Variants in LTN1 observed in about 807,000 individuals in gnomAD.
The protein encoded by LTN1 is E3 ubiquitin-protein ligase listerin.
LTN1 carries 88 observed loss-of-function variants against 201.2 expected under a neutral mutation model. That is an observed-to-expected ratio of 0.44 (90% CI 0.37 to 0.52). The LOEUF is 0.52. Among genes scored for constraint, LTN1 ranks in the 20% least tolerant of loss-of-function variants. The pLI is 0.00. For missense variants in LTN1, 1,752 were observed against 2,038.7 expected (o/e 0.86, Z 2.71); for synonymous variants, 645 against 713.5 (o/e 0.90, Z 1.53).
At position 28,956,888 on chromosome 21, in the gene LTN1, C is replaced by G. The variant is rs369347786; in HGVS notation, c.2953G>C (p.Asp985His). 99 of 1,611,348 alleles carry G rather than the reference C, an allele frequency of 6.1e-5. No individual in the cohort carries two copies. Among genetic ancestry groups the G allele is most frequent in the Non-Finnish European group, 7.5e-5 (88 of 1,178,604 alleles). The change falls in exon 16 of 30, where the codon GAT becomes CAT. Residue 985 changes from aspartate to histidine, a missense_variant. This residue lies in a region of LTN1 where 1,211 missense variants were observed against 1,312.8 expected (regional missense o/e 0.92). Coordinates refer to ENST00000361371, the MANE Select transcript of LTN1 (RefSeq NM_015565.3). ...GTCTTTATGTCCTGTTCCTTAAAAT[C>G]TGTTTTGAAACATTCATAATTCAAA... Reference protein sequence around the residue: ...LSLNYECFKTDFKEQDIKTLP... With the variant: ...LSLNYECFKTHFKEQDIKTLP...
chr21:28,992,736 C>A, intron 1 of LTN1, 28 bp downstream of exon 1: 1 of 1,613,244 alleles, frequency 6.2e-7, no homozygotes, highest in South Asian at 1.1e-5. Flanking sequence ...GCGAGGCTCC[C>A]GGGTCGGCCG....
intron 23 of LTN1, 42 bp from the exon 24 acceptor site, chr21:28,943,378 T>A (rs1217235072): frequency 8.2e-7 from 1 of 1,215,452 alleles, no homozygotes; most frequent in East Asian, 2.3e-5. Flanking sequence ...GATATTAAAC[T>A]GTTTATTAAG....
chr21:28,975,850 C>A (rs182497066), intron 6 of LTN1, among the ~76,000 whole-genome samples: 2 of 152,310 alleles, frequency 1.3e-5, no homozygotes, highest in African/African-American at 4.8e-5. Flanking sequence ...CAATTCCTCT[C>A]CTTACTCAAG....
chr21:28,964,140 T>C (rs1347966535), intron 11 of LTN1, among the ~76,000 whole-genome samples: 1 of 152,192 alleles, frequency 6.6e-6, no homozygotes, highest in Non-Finnish European at 1.5e-5. Flanking sequence ...AGTGGCAGGG[T>C]TTGAAAGGAT....
intron 12 of LTN1, 120 bp downstream of exon 12, chr21:28,960,396 AT>A: frequency 1.1e-5 from 8 of 697,760 alleles, no homozygotes; most frequent in African/African-American, 5.6e-5. Flanking sequence ...AAAAAAAAAA[AT>A]TTGAATGAGT....
At chr21:28,991,414 A>G (rs1476806211) in intron 1 of LTN1, among the ~76,000 whole-genome samples, 1 of 152,248 alleles carries the variant, frequency 6.6e-6, no homozygotes, top group East Asian at 1.9e-4. Context: ...AACCATTATT[A>G]TAATTGCTGC....
At chr21:28,957,004 GA>G (rs2084431118) in intron 15 of LTN1, 56 bp from the exon 16 acceptor site, 1 of 1,056,746 alleles carries the variant, frequency 9.5e-7, no homozygotes, top group African/African-American at 1.6e-5. Context: ...AATTGAGACT[GA>G]ACAAAAATGA....
intron 18 of LTN1, among the ~76,000 whole-genome samples, chr21:28,948,191 C>CAAA (rs531979859): frequency 2.7e-5 from 2 of 73,146 alleles, no homozygotes; most frequent in Non-Finnish European, 5.5e-5. Context: ...AACTCTGTTT[C>CAAA]AAAAAAAAAA....
Position 28,930,465 on chromosome 21 carries a change from G to GT in LTN1, c.5283_5284insA (p.Arg1762ThrfsTer2). 6.2e-7 allele frequency: 1 copy of GT among 1,612,610 alleles called. No homozygotes were observed. Among genetic ancestry groups the GT allele is most frequent in the Non-Finnish European group, 8.5e-7 (1 of 1,179,168 alleles). ...AAAAAATCTCAGAAAAACGTCTCAC[G>GT]ACACAGTGGACAAGTGGATTTGTTG... On this transcript the variant is annotated frameshift_variant, in exon 30 of 30. Coordinates refer to ENST00000361371, the MANE Select transcript of LTN1 (RefSeq NM_015565.3). LOFTEE classifies it high-confidence loss of function.
chr21:28,977,757 T>A (rs2146310607), intron 6 of LTN1, among the ~76,000 whole-genome samples: 1 of 150,824 alleles, frequency 6.6e-6, no homozygotes, highest in South Asian at 2.1e-4. Flanking sequence ...CAAAACCCCG[T>A]CTCTACTAAA....
At chr21:28,967,857 GTAGA>G (rs1160163830) in intron 9 of LTN1, 2 of 152,114 alleles carry the variant, frequency 1.3e-5, no homozygotes, top group Non-Finnish European at 2.9e-5. Context: ...CTATCTCCAG[GTAGA>G]TAGTCAGAAT....
At chr21:28,937,928 T>C (rs1348442656) in intron 25 of LTN1, among the ~76,000 whole-genome samples, 4 of 152,028 alleles carry the variant, frequency 2.6e-5, no homozygotes, top group African/African-American at 7.2e-5. Context: ...TGAGAACACA[T>C]AACAACTTGT....
intron 18 of LTN1, among the ~76,000 whole-genome samples, chr21:28,947,901 A>AAAAG (rs2084351547): frequency 6.6e-6 from 1 of 151,650 alleles, no homozygotes; most frequent in Non-Finnish European, 1.5e-5. Flanking sequence ...AAAAAAAAAA[A>AAAAG]AGAGTCAATT....
Position 28,986,968 on chromosome 21 carries a change from T to C in LTN1, c.43-34A>G, listed in dbSNP as rs769465170. The C allele has an allele frequency of 2.1e-6, 3 of 1,460,730 alleles. No homozygotes were observed. The highest frequency in any genetic ancestry group is 1.9e-6 in the Non-Finnish European group (2 of 1,041,194). 90.5% of individuals were successfully genotyped at this position (1,460,730 alleles called of 1,614,324 possible). On this transcript the variant is annotated intron_variant, in intron 1 of 29. Transcript: ENST00000361371. This position sits in a 1 kb window ranked among gnomAD's most constrained non-coding sequence, Gnocchi z 4.1. ...AAAATTACGGAGAAAAAAGTCAGAG[T>C]CCAGGAAGGGTTCAAAACTTAACTT...
intron 6 of LTN1, among the ~76,000 whole-genome samples, chr21:28,972,220 C>T (rs1357160197): frequency 2.0e-5 from 3 of 152,190 alleles, no homozygotes; most frequent in Non-Finnish European, 2.9e-5. Context: ...CCTCACCAGA[C>T]ACTGAATCTG....
rs1462738141 is a variant in LTN1 at position 28,928,516 on chromosome 21, G to A, written c.*1932C>T. On this transcript the variant is annotated 3_prime_UTR_variant, in exon 30 of 30. Transcript: ENST00000361371. Reference sequence around the variant, plus strand: ...TCCTTAAGCTAAAATTTTAAGGGCTGTAATCCTTTTAGTTAGAGTTGTCAA... The same window carrying A: ...TCCTTAAGCTAAAATTTTAAGGGCTATAATCCTTTTAGTTAGAGTTGTCAA... The A allele has an allele frequency of 6.6e-6, 1 of 152,104 alleles. No homozygotes were observed. Among genetic ancestry groups the A allele is most frequent in the Non-Finnish European group, 1.5e-5 (1 of 68,002 alleles). 9.4% of individuals were successfully genotyped at this position (152,104 alleles called of 1,614,324 possible).
chr21:28,973,904 G>C (rs1405529824), intron 6 of LTN1, among the ~76,000 whole-genome samples: 1 of 152,108 alleles, frequency 6.6e-6, no homozygotes, highest in East Asian at 1.9e-4. Context: ...TTCTGACAAA[G>C]ATGTCAGAAT....
Position 28,931,150 on chromosome 21 carries a change from C to T in LTN1, c.5238+5G>A. ...ATAAGTAAGTTAATTTCTCTTTAGA[C>T]TTACCAAGCAGGCTGAATGGAATTT... On this transcript the variant is annotated splice_donor_5th_base_variant and intron_variant, in intron 29 of 29. Coordinates refer to ENST00000361371, the MANE Select transcript of LTN1 (RefSeq NM_015565.3). The T allele has an allele frequency of 6.2e-7, 1 of 1,601,718 alleles. No homozygotes were observed. Among genetic ancestry groups the T allele is most frequent in the South Asian group, 1.1e-5 (1 of 89,770 alleles).
chr21:28,976,578 C>T (rs1311491882), intron 6 of LTN1, among the ~76,000 whole-genome samples: 1 of 124,196 alleles, frequency 8.1e-6, no homozygotes. Context: ...CCAGTGTGGG[C>T]AACAAAGTGA....
Sources: gnomAD v4.1 joint callset for allele counts (sites outside exome capture counted in the v4.1 genomes callset) on GRCh38, gnomAD v4.1.1 for gene constraint, gnomAD v4.1.1 regional missense constraint, Gnocchi (gnomAD v3.1) non-coding constraint, MANE v1.5 for transcripts, NCBI Gene and HGNC (gene_info 2026-07-23, HGNC 2026-07-21) for gene names.